PPFIA2: variants seen among roughly 807,000 people sequenced by gnomAD.
PPFIA2 encodes the protein liprin-alpha-2.
PPFIA2 carries 46 observed loss-of-function variants against 175.5 expected under a neutral mutation model. The ratio of observed to expected loss-of-function variants is 0.26; its 90% CI spans 0.21 to 0.34. The LOEUF (loss-of-function observed/expected upper bound fraction) is 0.34, where lower values mean the gene tolerates loss of function less well. Ranked by LOEUF, PPFIA2 falls within the 10% of genes least tolerant of loss-of-function variation. The pLI is 1.00. For synonymous variants in PPFIA2, 568 were observed against 511.4 expected (o/e 1.11, Z -1.49); for missense variants, 1,179 against 1,506.1 (o/e 0.78, Z 3.60).
At chr12:81,717,184 C>A (rs1188073191) in intron 3 of PPFIA2, among the ~76,000 whole-genome samples, 1 of 151,716 alleles carries the variant, frequency 6.6e-6, no homozygotes, top group Non-Finnish European at 1.5e-5. Flanking sequence ...AGCAGTCATA[C>A]ACATTATATA....
chr12:81,665,433 C>G (rs1041078592), intron 4 of PPFIA2, among the ~76,000 whole-genome samples: 1 of 152,008 alleles, frequency 6.6e-6, no homozygotes, highest in Non-Finnish European at 1.5e-5. Context: ...TTAGGTCTTT[C>G]AGGTGTTAGT....
chr12:81,538,487 G>A (rs1472448617), intron 4 of PPFIA2, among the ~76,000 whole-genome samples: 1 of 151,772 alleles, frequency 6.6e-6, no homozygotes, highest in Admixed American at 6.6e-5. Flanking sequence ...ATATGCTTTG[G>A]AAAATATAAT....
At chr12:81,277,889 A>ACT (rs2040959158) in intron 27 of PPFIA2, among the ~76,000 whole-genome samples, 1 of 152,214 alleles carries the variant, frequency 6.6e-6, no homozygotes, top group Non-Finnish European at 1.5e-5. Flanking sequence ...GTAGCTCATA[A>ACT]CTCTAAATGA....
chr12:81,366,561 A>G (rs1490858123), intron 14 of PPFIA2, among the ~76,000 whole-genome samples: 1 of 151,612 alleles, frequency 6.6e-6, no homozygotes, highest in Non-Finnish European at 1.5e-5. Context: ...CTTACTGCCT[A>G]CTTCACTAAT....
At chr12:81,737,042 C>T (rs1459419111) in intron 3 of PPFIA2, among the ~76,000 whole-genome samples, 2 of 151,750 alleles carry the variant, frequency 1.3e-5, no homozygotes, top group East Asian at 3.9e-4. Flanking sequence ...GGGACCAGCT[C>T]TATTGATAAG....
intron 4 of PPFIA2, among the ~76,000 whole-genome samples, chr12:81,648,393 G>T (rs1191172195): frequency 6.6e-6 from 1 of 151,900 alleles, no homozygotes; most frequent in Non-Finnish European, 1.5e-5. Context: ...CAGTAAGATT[G>T]CATGATACAA....
chr12:81,513,449 C>T (rs1238797558), intron 4 of PPFIA2, among the ~76,000 whole-genome samples: 2 of 151,928 alleles, frequency 1.3e-5, no homozygotes, highest in African/African-American at 2.4e-5. Flanking sequence ...AAACATGCAC[C>T]TGCAAGTTTA....
intron 4 of PPFIA2, among the ~76,000 whole-genome samples, chr12:81,520,363 T>G (rs1295961939): frequency 6.6e-6 from 1 of 152,168 alleles, no homozygotes; most frequent in Non-Finnish European, 1.5e-5. Flanking sequence ...GGTAGCAACT[T>G]AAAACTTATA....
chr12:81,628,120 C>T (rs1937527299), intron 4 of PPFIA2, among the ~76,000 whole-genome samples: 2 of 152,072 alleles, frequency 1.3e-5, no homozygotes, highest in African/African-American at 2.4e-5. Flanking sequence ...CAATGTTATA[C>T]TTCATATAAT....
intron 15 of PPFIA2, 136 bp from the exon 16 acceptor site, chr12:81,358,353 G>A (rs1462770312): frequency 1.0e-5 from 9 of 873,792 alleles, no homozygotes; most frequent in Non-Finnish European, 1.6e-5. Context: ...CCGATAAATT[G>A]TCATGACTCT....
intron 26 of PPFIA2, 95 bp from the exon 27 acceptor site, chr12:81,281,545 TATG>T (rs1025570051): frequency 1.2e-5 from 10 of 825,066 alleles, no homozygotes; most frequent in Admixed American, 5.7e-5. Flanking sequence ...ATTTAATTAC[TATG>T]ATATGTGGAA....
At chr12:81,734,955 A>C (rs1294707057) in intron 3 of PPFIA2, among the ~76,000 whole-genome samples, 3 of 151,824 alleles carry the variant, frequency 2.0e-5, no homozygotes, top group Non-Finnish European at 4.4e-5. Context: ...TCCTTCATTT[A>C]GCATGATGAT....
chr12:81,508,659 A>C lies in PPFIA2; in HGVS notation c.304-50793T>G, dbSNP rs375578879. ...TTTAAGTTTTAGGGTACATGTGCACAATGTGCAGGTTAGTTACATATGTAT... is the reference window on the plus strand; with the variant it reads ...TTTAAGTTTTAGGGTACATGTGCACCATGTGCAGGTTAGTTACATATGTAT... On this transcript the variant is annotated intron_variant, in intron 4 of 32. Transcript: ENST00000549396. Among the ~76,000 whole-genome samples the C allele has an allele frequency of 4.8e-4, 73 of 151,488 alleles. No individual in the cohort carries two copies. The East Asian group carries it at 9.1e-3, about 19-fold the overall frequency.
At chr12:81,457,684 A>G in intron 5 of PPFIA2, 81 bp downstream of exon 5, 1 of 773,684 alleles carries the variant, frequency 1.3e-6, no homozygotes. Flanking sequence ...AAATGCATAT[A>G]TTTTCTTCTT....
intron 4 of PPFIA2, among the ~76,000 whole-genome samples, chr12:81,508,013 C>T (rs1253339539): frequency 2.6e-5 from 4 of 152,276 alleles, no homozygotes; most frequent in South Asian, 2.1e-4. Flanking sequence ...AGAGTATCTA[C>T]TCCTACTTCT....
chr12:81,609,063 G>A (rs567730531), intron 4 of PPFIA2, among the ~76,000 whole-genome samples: 1 of 150,858 alleles, frequency 6.6e-6, no homozygotes, highest in Non-Finnish European at 1.5e-5. Context: ...GGAGTAAATT[G>A]TTTAATTTTC....
At chr12:81,369,337 G>A in intron 11 of PPFIA2, 143 bp from the exon 12 acceptor site, 1 of 1,498,450 alleles carries the variant, frequency 6.7e-7, no homozygotes, top group Non-Finnish European at 8.9e-7. Context: ...CAAACAGGCA[G>A]CTGAACAGCA....
chr12:81,592,305 T>C (rs759099353), intron 4 of PPFIA2, among the ~76,000 whole-genome samples: 6 of 152,256 alleles, frequency 3.9e-5, no homozygotes, highest in Non-Finnish European at 7.4e-5. Context: ...CAGGTAAGAC[T>C]TTGGACTGTG....
chr12:81,356,439 G>T (rs2141042179), intron 16 of PPFIA2, among the ~76,000 whole-genome samples: 1 of 152,240 alleles, frequency 6.6e-6, no homozygotes, highest in Non-Finnish European at 1.5e-5. Context: ...GAGGTGGGCA[G>T]ATCACTTGAG....
Sources: allele counts gnomAD v4.1 joint callset (sites outside exome capture counted in the v4.1 genomes callset), GRCh38; gene constraint gnomAD v4.1.1; transcripts MANE v1.5; gene names NCBI Gene and HGNC (gene_info 2026-07-23, HGNC 2026-07-21).